The following OSBPL10 variants were observed in gnomAD, a reference collection of about 807,000 sequenced individuals.
OSBPL10 encodes oxysterol binding protein like 10.
In OSBPL10, 49 loss-of-function variants were observed where a neutral mutation model predicts 81.7. The ratio of observed to expected loss-of-function variants is 0.60; its 90% CI spans 0.48 to 0.76. The LOEUF (loss-of-function observed/expected upper bound fraction) is 0.76, where lower values mean the gene tolerates loss of function less well. Among genes scored for constraint, OSBPL10 ranks in the 30% least tolerant of loss-of-function variants. The pLI is 0.00. For missense variants in OSBPL10, 923 were observed against 987.8 expected (o/e 0.93, Z 0.88); for synonymous variants, 419 against 383.6 (o/e 1.09, Z -1.08).
At chr3:31,711,092 T>A (rs1696237416) in intron 6 of OSBPL10, 1 of 152,246 alleles carries the variant, frequency 6.6e-6, no homozygotes, top group Admixed American at 6.5e-5. Context: ...AAGTTTCAAC[T>A]CATGATTTGA....
intron 1 of OSBPL10, among the ~76,000 whole-genome samples, chr3:31,961,224 G>A (rs1698151819): frequency 1.3e-5 from 2 of 151,988 alleles, no homozygotes; most frequent in Admixed American, 6.6e-5. Context: ...GCAAACACGA[G>A]CCCTGTACTG....
chr3:31,776,001 A>C (rs1698537606), intron 4 of OSBPL10, among the ~76,000 whole-genome samples: 2 of 152,098 alleles, frequency 1.3e-5, no homozygotes, highest in Non-Finnish European at 1.5e-5. Flanking sequence ...CAAAAACAAC[A>C]ATACAGAGGC....
intron 2 of OSBPL10, chr3:31,989,206 C>A (rs1395094242): frequency 6.2e-7 from 1 of 1,614,030 alleles, no homozygotes; most frequent in Non-Finnish European, 8.5e-7. Flanking sequence ...ATGCCTGGAC[C>A]CTACGCAGAG....
intron 8 of OSBPL10, among the ~76,000 whole-genome samples, chr3:31,683,190 G>C (rs1377127062): frequency 2.0e-5 from 3 of 152,190 alleles, no homozygotes; most frequent in African/African-American, 7.2e-5. Context: ...AGAGTCAAAA[G>C]ATTTGTTTTG....
At chr3:32,054,118 A>C (rs914775401) in intron 1 of OSBPL10, among the ~76,000 whole-genome samples, 6 of 152,234 alleles carry the variant, frequency 3.9e-5, no homozygotes, top group Admixed American at 2.0e-4. Context: ...CCTTTAACAA[A>C]ATTTTTGAGT....
chr3:32,030,684 G>T, intron 2 of OSBPL10: 1 of 994,928 alleles, frequency 1.0e-6, no homozygotes, highest in Non-Finnish European at 1.6e-6. Context: ...CATAATAGGT[G>T]TTAAAAAAAA....
intron 6 of OSBPL10, among the ~76,000 whole-genome samples, chr3:31,731,177 A>T (rs951493167): frequency 6.6e-6 from 1 of 152,210 alleles, no homozygotes; most frequent in African/African-American, 2.4e-5. Flanking sequence ...AAGCTCTACT[A>T]GCTGTTTGGG....
chr3:31,968,093 T>C (rs1263510389), intron 1 of OSBPL10, among the ~76,000 whole-genome samples: 36 of 152,246 alleles, frequency 2.4e-4, no homozygotes, highest in Non-Finnish European at 5.9e-5. Context: ...AGTTGCTTTA[T>C]TATTTTTTCT....
intron 7 of OSBPL10, among the ~76,000 whole-genome samples, chr3:31,699,126 A>C (rs1486501545): frequency 6.6e-6 from 1 of 152,188 alleles, no homozygotes; most frequent in Non-Finnish European, 1.5e-5. Context: ...TACACCTGCA[A>C]GCTCAATATT....
At chr3:31,751,342 G>C (rs1437367582) in intron 4 of OSBPL10, among the ~76,000 whole-genome samples, 1 of 151,716 alleles carries the variant, frequency 6.6e-6, no homozygotes, top group Non-Finnish European at 1.5e-5. Context: ...GTGAGACCTT[G>C]TCTCAAAATA....
intron 2 of OSBPL10, among the ~76,000 whole-genome samples, chr3:32,008,129 G>A (rs1215882819): frequency 6.6e-6 from 1 of 151,620 alleles, no homozygotes; most frequent in South Asian, 2.1e-4. Flanking sequence ...TTACGGGAAT[G>A]ATTTAATTTA....
chr3:31,664,015 C>G (rs1700124253), intron 11 of OSBPL10, 64 bp downstream of exon 11: 1 of 1,613,828 alleles, frequency 6.2e-7, no homozygotes, highest in African/African-American at 1.3e-5. Context: ...CAAGAAAAAC[C>G]CATCTACCCT....
In OSBPL10 at chr3:32,063,798, G is replaced by A. The variant is rs193082986; in HGVS notation, n.185+13598C>T. ...TCTCTCCCCTGCTGCCACGTAAGAC[G>A]TGCCTTGCTTCCTGTTCATCCTCTG... On this transcript the variant is annotated intron_variant and non_coding_transcript_variant, in intron 1 of 3. Transcript: ENST00000479173. Among the ~76,000 whole-genome samples the A allele has an allele frequency of 8.6e-5, 8 of 92,758 alleles. 2 individuals are homozygous for A. The East Asian group carries it at 1.3e-3, about 15-fold the overall frequency. 60.9% of individuals were successfully genotyped at this position (92,758 alleles called of 152,430 possible). A position where few individuals can be genotyped will look rare whatever the true frequency, so the allele number is the denominator to read the frequency against.
intron 1 of OSBPL10, among the ~76,000 whole-genome samples, chr3:31,929,979 A>ATC (rs2125718274): frequency 7.4e-6 from 1 of 134,780 alleles, no homozygotes; most frequent in South Asian, 2.6e-4. Flanking sequence ...AGCCTGGGTG[A>ATC]TCAAGTGAGA....
intron 2 of OSBPL10, among the ~76,000 whole-genome samples, chr3:31,999,230 T>A (rs1485444804): frequency 1.3e-5 from 2 of 152,224 alleles, no homozygotes; most frequent in South Asian, 4.1e-4. Context: ...CTTTCCTGTC[T>A]TGCCAGCTAC....
intron 1 of OSBPL10, among the ~76,000 whole-genome samples, chr3:31,892,855 C>A (rs1357427963): frequency 6.6e-6 from 1 of 152,166 alleles, no homozygotes; most frequent in African/African-American, 2.4e-5. Context: ...AAGCCACGGA[C>A]CAGCAGACTA....
chr3:31,922,423 A>G (rs1696943528), intron 1 of OSBPL10, among the ~76,000 whole-genome samples: 1 of 152,182 alleles, frequency 6.6e-6, no homozygotes, highest in Non-Finnish European at 1.5e-5. Flanking sequence ...GTTCGAGACC[A>G]GCCTAACCAA....
At chr3:31,663,935 G>A in intron 11 of OSBPL10, 144 bp downstream of exon 11, 1 of 1,572,970 alleles carries the variant, frequency 6.4e-7, no homozygotes, top group Non-Finnish European at 8.6e-7. Flanking sequence ...GTCCAAAGCT[G>A]GAGTCAGAAC....
At chr3:32,015,677 G>A (rs1699306673) in intron 2 of OSBPL10, among the ~76,000 whole-genome samples, 1 of 152,096 alleles carries the variant, frequency 6.6e-6, no homozygotes, top group Admixed American at 6.6e-5. Context: ...TACAGAATGG[G>A]AGAAAATGTT....
Sources: allele counts gnomAD v4.1 joint callset (sites outside exome capture counted in the v4.1 genomes callset), GRCh38; gene constraint gnomAD v4.1.1; transcripts MANE v1.5; gene names NCBI Gene and HGNC (gene_info 2026-07-23, HGNC 2026-07-21).